BCAS3: variants seen among roughly 807,000 people sequenced by gnomAD.
BCAS3 encodes BCAS3 microtubule associated cell migration factor.
In BCAS3, 53 loss-of-function variants were observed where a neutral mutation model predicts 116.1. The observed-to-expected ratio is 0.46, with a 90% CI of 0.37 to 0.57. The LOEUF (loss-of-function observed/expected upper bound fraction) is 0.57. Among genes scored for constraint, BCAS3 ranks in the 20% least tolerant of loss-of-function variants. The pLI, the probability that BCAS3 is intolerant of heterozygous loss-of-function variation, is 0.00. For synonymous variants in BCAS3, 391 were observed against 408.2 expected (o/e 0.96, Z 0.51); for missense variants, 917 against 1,165.4 (o/e 0.79, Z 3.10).
chr17:61,116,303 G>A (rs117214293), intron 22 of BCAS3, among the ~76,000 whole-genome samples: 29 of 152,042 alleles, frequency 1.9e-4, no homozygotes, highest in Non-Finnish European at 3.5e-4. Context: ...GATCCTTTAT[G>A]TATCTTTATT....
intron 19 of BCAS3, among the ~76,000 whole-genome samples, chr17:61,050,576 A>G (rs2068768113): frequency 6.6e-6 from 1 of 152,058 alleles, no homozygotes; most frequent in African/African-American, 2.4e-5. Flanking sequence ...CTACTAAAAT[A>G]ACAAAAACAA....
intron 7 of BCAS3, among the ~76,000 whole-genome samples, chr17:60,853,671 G>A (rs963424065): frequency 1.3e-5 from 2 of 152,122 alleles, no homozygotes; most frequent in African/African-American, 2.4e-5. Flanking sequence ...TAAAATGTAA[G>A]TTCCATGAGG....
At chr17:60,880,955 T>C (rs541811079) in intron 9 of BCAS3, among the ~76,000 whole-genome samples, 1 of 151,046 alleles carries the variant, frequency 6.6e-6, no homozygotes, top group South Asian at 2.1e-4. Context: ...TTTCTTCTTT[T>C]TTTTGTTTTG....
intron 12 of BCAS3, among the ~76,000 whole-genome samples, chr17:60,922,798 A>G (rs1440432264): frequency 6.6e-6 from 1 of 152,230 alleles, no homozygotes; most frequent in African/African-American, 2.4e-5. Flanking sequence ...CGATTTGGGG[A>G]ATCTCCAAAT....
intron 5 of BCAS3, among the ~76,000 whole-genome samples, chr17:60,725,846 T>A (rs2039774268): frequency 6.6e-6 from 1 of 151,924 alleles, no homozygotes; most frequent in South Asian, 2.1e-4. Flanking sequence ...TTTTTTTTTC[T>A]TTTTGTTTTT....
intron 5 of BCAS3, among the ~76,000 whole-genome samples, chr17:60,710,010 T>C (rs2037655761): frequency 6.6e-6 from 1 of 152,040 alleles, no homozygotes; most frequent in African/African-American, 2.4e-5. Context: ...TGAGATGGGG[T>C]CTGGCTGTAT....
intron 16 of BCAS3, chr17:61,027,265 C>T: frequency 2.3e-6 from 1 of 437,900 alleles, no homozygotes; most frequent in South Asian, 2.0e-5. Context: ...TCATGCATAG[C>T]ATTTGAGGAC....
At chr17:61,252,027 A>G (rs560186458) in intron 22 of BCAS3, among the ~76,000 whole-genome samples, 1 of 152,378 alleles carries the variant, frequency 6.6e-6, no homozygotes, top group South Asian at 2.1e-4. Flanking sequence ...AACAGTTATC[A>G]AGAAACAGAT....
At chr17:60,986,224 C>A (rs1264936059) in intron 14 of BCAS3, among the ~76,000 whole-genome samples, 3 of 152,168 alleles carry the variant, frequency 2.0e-5, no homozygotes, top group African/African-American at 7.2e-5. Context: ...ACCATATTTT[C>A]TTTATCCATT....
At chr17:61,127,431 G>A (rs1454493226) in intron 22 of BCAS3, among the ~76,000 whole-genome samples, 1 of 151,998 alleles carries the variant, frequency 6.6e-6, no homozygotes. Flanking sequence ...ACATCTCATG[G>A]TGGTCACTTC....
chr17:60,954,515 A>G lies in BCAS3; in HGVS notation c.1221+7163A>G, dbSNP rs917867211. 2.6e-5 allele frequency among the ~76,000 whole-genome samples: 4 copies of G among 152,326 alleles called. No individual in the cohort carries two copies. In the East Asian group the frequency reaches 7.7e-4, roughly 29 times the overall value. On this transcript the variant is annotated intron_variant, in intron 14 of 23. Transcript: ENST00000407086. Reference sequence around the variant, plus strand: ...CCATCACCATCATCTAGGTAATCTTAGCCTTTAGCATTGAATGACTTTTCT... The same window carrying G: ...CCATCACCATCATCTAGGTAATCTTGGCCTTTAGCATTGAATGACTTTTCT...
intron 6 of BCAS3, 98 bp from the exon 7 acceptor site, chr17:60,807,906 A>G: frequency 2.4e-6 from 2 of 824,388 alleles, no homozygotes; most frequent in Admixed American, 4.9e-5. Flanking sequence ...CTTATAATGA[A>G]TACTTCTCCT....
intron 22 of BCAS3, among the ~76,000 whole-genome samples, chr17:61,305,120 T>C (rs1023138540): frequency 6.6e-6 from 1 of 152,176 alleles, no homozygotes; most frequent in East Asian, 1.9e-4. Context: ...TGTGACCTTT[T>C]TTAGGAGGAT....
In BCAS3 at chr17:61,366,768, C is replaced by G. The variant is rs139699790; in HGVS notation, c.2426-1559C>G. On this transcript the variant is annotated intron_variant, in intron 22 of 23. Transcript: ENST00000407086. This position sits in a 1 kb window ranked among gnomAD's most constrained non-coding sequence, Gnocchi z 4.5. The stretch of plus-strand genomic sequence containing the variant: ...GCCCTTATAGATGCTGCCCATTCTC[C>G]CAGTGCCAGGAATCTTCCCTACAAT... Among the ~76,000 whole-genome samples, 209 of 152,306 alleles carry G rather than the reference C, an allele frequency of 1.4e-3. No individual in the cohort carries two copies. Among genetic ancestry groups the G allele is most frequent in the African/African-American group, 4.8e-3 (200 of 41,566 alleles).
chr17:61,371,894 A>G (rs2059067376), intron 23 of BCAS3, among the ~76,000 whole-genome samples: 1 of 152,226 alleles, frequency 6.6e-6, no homozygotes. Context: ...TGGTTAACTT[A>G]TAAGACAGAT....
In BCAS3 at chr17:60,962,922, G is replaced by A. The variant is rs2061478667; in HGVS notation, c.1221+15570G>A. ...ATTTTGATTTGATTTTTGTTATGGT[G>A]AGAGATAGAGGTCTAGTTTCATTCT... On this transcript the variant is annotated intron_variant, in intron 14 of 23. Coordinates refer to ENST00000407086, the MANE Select transcript of BCAS3 (RefSeq NM_017679.5). This position sits in a 1 kb window ranked among gnomAD's most constrained non-coding sequence, Gnocchi z 4.4. Among the ~76,000 whole-genome samples the A allele has an allele frequency of 6.6e-6, 1 of 152,174 alleles. No individual in the cohort carries two copies. The highest frequency in any genetic ancestry group is 1.5e-5 in the Non-Finnish European group (1 of 68,030).
At chr17:60,914,451 G>A (rs2058673445) in intron 12 of BCAS3, among the ~76,000 whole-genome samples, 1 of 152,058 alleles carries the variant, frequency 6.6e-6, no homozygotes, top group Non-Finnish European at 1.5e-5. Context: ...CAGTTGTATT[G>A]GAAGGAAACA....
At chr17:60,917,041 A>G (rs2058814775) in intron 12 of BCAS3, among the ~76,000 whole-genome samples, 1 of 152,214 alleles carries the variant, frequency 6.6e-6, no homozygotes, top group Non-Finnish European at 1.5e-5. Context: ...TGACTAATAT[A>G]TATCTACGAT....
At chr17:60,789,683 A>T (rs1029620157) in intron 6 of BCAS3, among the ~76,000 whole-genome samples, 11 of 152,172 alleles carry the variant, frequency 7.2e-5, no homozygotes, top group African/African-American at 2.7e-4. Context: ...TCTATTGTAC[A>T]TGCAAATAAA....
Sources: allele counts gnomAD v4.1 joint callset (sites outside exome capture counted in the v4.1 genomes callset), GRCh38; gene constraint gnomAD v4.1.1; non-coding constraint Gnocchi (gnomAD v3.1); transcripts MANE v1.5; gene names NCBI Gene and HGNC (gene_info 2026-07-23, HGNC 2026-07-21).